The following PACRG variants were observed in gnomAD, a reference collection of about 807,000 sequenced individuals.
PACRG encodes parkin coregulated gene protein.
In PACRG, 29 loss-of-function variants were observed where a neutral mutation model predicts 29.7. That is an observed-to-expected ratio of 0.98 (90% CI 0.73 to 1.33). PACRG has a LOEUF of 1.33. PACRG is among the 40% of genes most tolerant of loss of function. PACRG has a pLI of 0.00. For synonymous variants in PACRG, 116 were observed against 118.7 expected (o/e 0.98, Z 0.15); for missense variants, 279 against 316.2 (o/e 0.88, Z 0.89).
chr6:163,175,906 A>G (rs1469328209), intron 4 of PACRG, among the ~76,000 whole-genome samples: 2 of 152,164 alleles, frequency 1.3e-5, no homozygotes, highest in South Asian at 2.1e-4. Flanking sequence ...TGTATTTCCA[A>G]TCTCAGATAC....
chr6:163,093,219 C>T (rs1814275917), intron 4 of PACRG, among the ~76,000 whole-genome samples: 1 of 152,156 alleles, frequency 6.6e-6, no homozygotes, highest in African/African-American at 2.4e-5. Context: ...GGCCACGGTC[C>T]TCTTTGAAAA....
chr6:163,288,135 G>T (rs370447909), intron 4 of PACRG, among the ~76,000 whole-genome samples: 1 of 152,182 alleles, frequency 6.6e-6, no homozygotes, highest in East Asian at 1.9e-4. Context: ...AGATTCTCAG[G>T]TTTTCTTAAT....
chr6:162,969,422 T>C (rs947738638), intron 2 of PACRG, among the ~76,000 whole-genome samples: 1 of 152,048 alleles, frequency 6.6e-6, no homozygotes, highest in Non-Finnish European at 1.5e-5. Flanking sequence ...CCATCATCTC[T>C]TGCCTGAAAT....
intron 3 of PACRG, among the ~76,000 whole-genome samples, chr6:163,077,846 C>A (rs1812685271): frequency 1.3e-5 from 2 of 152,118 alleles, no homozygotes; most frequent in African/African-American, 4.8e-5. Context: ...AGGAAGGAAT[C>A]AACATCAGGC....
chr6:163,138,046 TAAG>T (rs1817007224), intron 4 of PACRG, among the ~76,000 whole-genome samples: 1 of 152,130 alleles, frequency 6.6e-6, no homozygotes, highest in Non-Finnish European at 1.5e-5. Flanking sequence ...CGACAGTACA[TAAG>T]AAGGAGTGGG....
intron 4 of PACRG, among the ~76,000 whole-genome samples, chr6:163,280,734 A>T (rs1028946665): frequency 6.6e-6 from 1 of 152,174 alleles, no homozygotes; most frequent in African/African-American, 2.4e-5. Context: ...ATGCATGTGC[A>T]CAGGGAGAGA....
Position 163,036,083 on chromosome 6 carries a change from C to A in PACRG, c.292-26067C>A, listed in dbSNP as rs75251176. 6.0e-4 allele frequency among the ~76,000 whole-genome samples: 91 copies of A among 152,294 alleles called. 4 individuals are homozygous for A. In the East Asian group the frequency reaches 0.017, roughly 29 times the overall value. ...ATGACATGACTAATATTTTAATTTG[C>A]TAAGTCAGTCTGCTCAGATCTGCTG... On this transcript the variant is annotated intron_variant, in intron 2 of 4. Coordinates refer to ENST00000366888, the MANE Select transcript of PACRG (RefSeq NM_001080379.2).
At chr6:163,277,602 ACTTT>A (rs1319687641) in intron 4 of PACRG, among the ~76,000 whole-genome samples, 1,627 of 149,308 alleles carry the variant, frequency 0.011, 35 homozygotes, top group African/African-American at 0.038. Flanking sequence ...ACATATACAT[ACTTT>A]GTCTATATAT....
chr6:162,784,251 C>T (rs1277287387), intron 1 of PACRG, among the ~76,000 whole-genome samples: 1 of 152,168 alleles, frequency 6.6e-6, no homozygotes, highest in Non-Finnish European at 1.5e-5. Context: ...TTTCTATCTT[C>T]CCCTGTAGTT....
rs1562823955 is a variant in PACRG, at chr6:163,005,865, A to ATAGTTATACGTGTTATATATATACAACG, written c.292-56261_292-56234dup. On this transcript the variant is annotated intron_variant, in intron 2 of 4. Coordinates refer to ENST00000366888, the MANE Select transcript of PACRG (RefSeq NM_001080379.2). ...GTTATACGTGTTATATATATACAAC[A>ATAGTTATACGTGTTATATATATACAACG]TAGTTATACGTGTTATATATATACA... Among the ~76,000 whole-genome samples, 7 of 135,284 alleles carry ATAGTTATACGTGTTATATATATACAACG rather than the reference A, an allele frequency of 5.2e-5. 2 individuals carry two copies. The highest frequency in any genetic ancestry group is 7.1e-5 in the Admixed American group (1 of 14,062). 88.8% of individuals were successfully genotyped at this position (135,284 alleles called of 152,430 possible).
chr6:163,306,534 T>A (rs958050523), intron 4 of PACRG, among the ~76,000 whole-genome samples: 1 of 152,232 alleles, frequency 6.6e-6, no homozygotes, highest in African/African-American at 2.4e-5. Context: ...AAAAAAGAAA[T>A]TAACCCATAT....
chr6:163,103,170 G>T (rs975562700), intron 4 of PACRG, among the ~76,000 whole-genome samples: 2 of 152,212 alleles, frequency 1.3e-5, no homozygotes, highest in African/African-American at 4.8e-5. Context: ...GGGGATCAAA[G>T]TGTCAGTTGC....
intron 4 of PACRG, among the ~76,000 whole-genome samples, chr6:163,295,483 A>G (rs1175415203): frequency 6.6e-6 from 1 of 152,242 alleles, no homozygotes; most frequent in East Asian, 1.9e-4. Context: ...CAATTTGCTT[A>G]TCCGTACAGT....
intron 4 of PACRG, among the ~76,000 whole-genome samples, chr6:163,251,419 C>G (rs1479637273): frequency 6.6e-6 from 1 of 152,160 alleles, no homozygotes; most frequent in East Asian, 1.9e-4. Flanking sequence ...TCGGGGACTT[C>G]CCGGAATGCA....
intron 2 of PACRG, among the ~76,000 whole-genome samples, chr6:162,909,535 A>G (rs1388028951): frequency 6.9e-6 from 1 of 144,670 alleles, no homozygotes; most frequent in East Asian, 2.1e-4. Context: ...AGCCTGGGTG[A>G]CAGAGCGAGA....
At chr6:163,170,029 A>G (rs1005743711) in intron 4 of PACRG, among the ~76,000 whole-genome samples, 7 of 152,018 alleles carry the variant, frequency 4.6e-5, no homozygotes, top group Non-Finnish European at 7.4e-5. Flanking sequence ...CACCCATGTG[A>G]CTTCATTTCA....
At chr6:163,192,067 A>C in intron 4 of PACRG, 1 of 223,990 alleles carries the variant, frequency 4.5e-6, no homozygotes, top group Non-Finnish European at 9.1e-6. Flanking sequence ...TAACTAAAGA[A>C]AGCACAGTTG....
chr6:163,111,226 A>G (rs966446188), intron 4 of PACRG, among the ~76,000 whole-genome samples: 24 of 152,140 alleles, frequency 1.6e-4, no homozygotes, highest in Admixed American at 1.4e-3. Context: ...GTTAATCCCA[A>G]TTGCCTGGCA....
intron 1 of PACRG, among the ~76,000 whole-genome samples, chr6:162,751,932 G>C (rs558283009): frequency 2.0e-5 from 3 of 152,042 alleles, no homozygotes; most frequent in South Asian, 4.2e-4. Context: ...AAAATGCCTT[G>C]GTCACATTTC....
Sources: allele counts gnomAD v4.1 joint callset (sites outside exome capture counted in the v4.1 genomes callset), GRCh38; gene constraint gnomAD v4.1.1; transcripts MANE v1.5; gene names NCBI Gene and HGNC (gene_info 2026-07-23, HGNC 2026-07-21).